Variants in HPS4 observed in about 807,000 individuals in gnomAD.
The protein encoded by HPS4 is HPS4 biogenesis of lysosomal organelles complex 3 subunit 2, also known as BLOC-3 complex member HPS4.
In HPS4, 44 loss-of-function variants were observed where a neutral mutation model predicts 70.3. The ratio of observed to expected loss-of-function variants is 0.63; its 90% CI spans 0.49 to 0.80. The LOEUF (loss-of-function observed/expected upper bound fraction) is 0.80. Ranked by LOEUF, HPS4 falls within the 30% of genes least tolerant of loss-of-function variation. The pLI is 0.00. For missense variants in HPS4, 873 were observed against 884.4 expected (o/e 0.99, Z 0.16); for synonymous variants, 377 against 355.9 (o/e 1.06, Z -0.67).
In HPS4 at chr22:26,452,002, G is replaced by GCACA; in HGVS notation, c.*1230_*1231insTGTG. 2 of 86,844 alleles carry GCACA rather than the reference G, an allele frequency of 2.3e-5. No homozygotes were observed. The highest frequency in any genetic ancestry group is 4.6e-4 in the South Asian group (2 of 4,326). 5.4% of individuals were successfully genotyped at this position (86,844 alleles called of 1,614,324 possible). ...GCCCACGTTACGCGCGCGCGCGCGC[G>GCACA]CGCACACACACACACACACACACAC... On this transcript the variant is annotated 3_prime_UTR_variant, in exon 14 of 14. Transcript: ENST00000398145.
In HPS4 at chr22:26,458,494, G is replaced by A. The variant is rs1423718905; in HGVS notation, c.1797C>T (p.Ser599=). ...TLPRDEAAST[S]STYNFTHYDR... ...CGTAATGTGTGAAGTTGTAGGTGCT[G>A]CTCGTGGAGGCTGCCTCATCCCTGG... Residue 599 remains serine (S), a synonymous_variant, in exon 12 of 14, where the codon AGC becomes AGT. Transcript: ENST00000398145. 1 of 1,614,142 alleles carries A rather than the reference G, an allele frequency of 6.2e-7. No individual in the cohort carries two copies. The highest frequency in any genetic ancestry group is 2.2e-5 in the East Asian group (1 of 44,870).
chr22:26,455,347 G>A (rs1194426430), intron 13 of HPS4, among the ~76,000 whole-genome samples: 1 of 151,642 alleles, frequency 6.6e-6, no homozygotes, highest in Non-Finnish European at 1.5e-5. Flanking sequence ...GTCCAACAAC[G>A]ATAGACTGGA....
chr22:26,481,996 T>G lies in HPS4; in HGVS notation c.-234A>C. 1 of 550,408 alleles carries G rather than the reference T, an allele frequency of 1.8e-6. No homozygotes were observed. Among genetic ancestry groups the G allele is most frequent in the South Asian group, 2.0e-5 (1 of 48,982 alleles). 34.1% of individuals were successfully genotyped at this position (550,408 alleles called of 1,614,324 possible). On this transcript the variant is annotated 5_prime_UTR_variant, in exon 2 of 14. It removes the in-frame stop codon of an upstream open reading frame in the 5' UTR. Transcript: ENST00000398145. ...TGTATATTTCCATGCCTCTTACAACTCAGGGAGAAACTATAACAGAGAATC... is the reference window on the plus strand; with the variant it reads ...TGTATATTTCCATGCCTCTTACAACGCAGGGAGAAACTATAACAGAGAATC...
At chr22:26,458,725 G>A (rs2086669858) in intron 11 of HPS4, 148 bp from the exon 12 acceptor site, 2 of 873,664 alleles carry the variant, frequency 2.3e-6, no homozygotes, top group African/African-American at 1.7e-5. Flanking sequence ...GTGAGACCGA[G>A]GCAGGAGGAT....
At chr22:26,466,746 C>CA (rs201324889) in intron 8 of HPS4, 58 of 188,138 alleles carry the variant, frequency 3.1e-4, no homozygotes, top group Non-Finnish European at 5.2e-4. Flanking sequence ...CTCGTTTGTT[C>CA]TGGTTCACAA....
Position 26,453,239 on chromosome 22 carries a change from C to A in HPS4, c.2121G>T (p.Leu707Phe), listed in dbSNP as rs1332441910. ...KQKLLKHGVN[L>F]L ...GTCACCTCCTGGGTGCAGTTCAGAGCAAGTTCACCCCGTGCTTCAGCAGCT... is the reference window on the plus strand; with the variant it reads ...GTCACCTCCTGGGTGCAGTTCAGAGAAAGTTCACCCCGTGCTTCAGCAGCT... Residue 707 changes from leucine (L) to phenylalanine (F), a missense_variant, in exon 14 of 14, where the codon TTG becomes TTT. Coordinates refer to ENST00000398145, the MANE Select transcript of HPS4 (RefSeq NM_022081.6). 1 of 1,614,204 alleles carries A rather than the reference C, an allele frequency of 6.2e-7. No homozygotes were observed.
intron 13 of HPS4, among the ~76,000 whole-genome samples, chr22:26,456,103 T>A (rs916344604): frequency 6.6e-6 from 1 of 152,218 alleles, no homozygotes; most frequent in Non-Finnish European, 1.5e-5. Flanking sequence ...GCAGAACACC[T>A]GGCGCTCAAG....
chr22:26,472,798 C>A (rs1171327859), intron 5 of HPS4, 34 bp downstream of exon 5: 1 of 1,473,476 alleles, frequency 6.8e-7, no homozygotes, highest in Admixed American at 1.7e-5. Flanking sequence ...TATAAAGAGG[C>A]CCAATGTAAG....
At chr22:26,449,572 C>G (rs1025775638), downstream of HPS4, among the ~76,000 whole-genome samples, 2 of 151,986 alleles carry the variant, frequency 1.3e-5, no homozygotes, top group Admixed American at 1.3e-4. Context: ...CTCAAGTGAT[C>G]CACCCGCCTC....
chr22:26,458,723 G>A lies in HPS4; in HGVS notation c.1714-146C>T, dbSNP rs148447624. 4.6e-4 allele frequency: 399 copies of A among 868,058 alleles called. 1 individual carries two copies. The highest frequency in any genetic ancestry group is 6.6e-4 in the Non-Finnish European group (373 of 567,380). The allele number at this position is 868,058 out of a possible 1,614,324, so 53.8% of individuals were successfully genotyped here. A position where few individuals can be genotyped will look rare whatever the true frequency, so the allele number is the denominator to read the frequency against. ...TGTAATCCCAGTGCTTTGTGAGACCGAGGCAGGAGGATCACTTAAGCCAGG... is the reference window on the plus strand; with the variant it reads ...TGTAATCCCAGTGCTTTGTGAGACCAAGGCAGGAGGATCACTTAAGCCAGG... On this transcript the variant is annotated intron_variant, in intron 11 of 13. Transcript: ENST00000398145.
intron 6 of HPS4, chr22:26,471,398 C>G (rs1489392485): frequency 2.2e-6 from 1 of 456,132 alleles, no homozygotes; most frequent in East Asian, 6.9e-5. Context: ...CCTAAAAATA[C>G]AAGAAAAGCA....
In HPS4 at chr22:26,452,709, G is replaced by A; in HGVS notation, c.*524C>T. 2 of 250,032 alleles carry A rather than the reference G, an allele frequency of 8.0e-6. No homozygotes were observed. Among genetic ancestry groups the A allele is most frequent in the East Asian group, 2.1e-4 (2 of 9,596 alleles). 15.5% of individuals were successfully genotyped at this position (250,032 alleles called of 1,614,324 possible). ...TGTGCTGCCGCTTCCCTGCAGGAAC[G>A]ATCCGGACCTCCCAGCAAGAGCGCA... is the stretch of plus-strand genomic sequence containing the variant. On this transcript the variant is annotated 3_prime_UTR_variant, in exon 14 of 14. Transcript: ENST00000398145.
chr22:26,452,835 T>G lies in HPS4; in HGVS notation c.*398A>C. 1 of 273,646 alleles carries G rather than the reference T, an allele frequency of 3.7e-6. No homozygotes were observed. The highest frequency in any genetic ancestry group is 9.9e-5 in the East Asian group (1 of 10,076). 17.0% of individuals were successfully genotyped at this position (273,646 alleles called of 1,614,324 possible). On this transcript the variant is annotated 3_prime_UTR_variant, in exon 14 of 14. Transcript: ENST00000398145. ...CGCCTACCACCACCTGGTGTGGGGG[T>G]TGAACACACACACTCTGGGCTAGTG...
intron 2 of HPS4, chr22:26,479,756 G>C: frequency 1.1e-6 from 1 of 891,584 alleles, no homozygotes; most frequent in Non-Finnish European, 1.4e-6. Flanking sequence ...TAAGTGCTGA[G>C]CACAAAGATT....
At chr22:26,445,332 C>CA (rs201572054) in intron 3 of HPS4, among the ~76,000 whole-genome samples, 22 of 150,246 alleles carry the variant, frequency 1.5e-4, no homozygotes, top group South Asian at 2.1e-4. Flanking sequence ...AGACCCTGTC[C>CA]AAAAAAAAAG....
chr22:26,483,220 A>T (rs1290835204), intron 1 of HPS4, among the ~76,000 whole-genome samples: 1 of 152,186 alleles, frequency 6.6e-6, no homozygotes, highest in Non-Finnish European at 1.5e-5. Context: ...CAAGGACAGC[A>T]GCCTAAAACT....
intron 13 of HPS4, 48 bp downstream of exon 13, chr22:26,457,811 G>T: frequency 1.4e-6 from 2 of 1,437,506 alleles, no homozygotes; most frequent in African/African-American, 1.4e-5. Flanking sequence ...TGGTTCCCAT[G>T]AGCAGGACCG....
At chr22:26,478,365 G>A (rs1289810009) in intron 3 of HPS4, among the ~76,000 whole-genome samples, 2 of 152,088 alleles carry the variant, frequency 1.3e-5, no homozygotes, top group African/African-American at 2.4e-5. Flanking sequence ...GAGGTCAGGA[G>A]ATCGAGACCA....
Position 26,464,838 on chromosome 22 carries a change from G to A in HPS4, c.804-12C>T. The A allele has an allele frequency of 6.3e-7, 1 of 1,587,724 alleles. No homozygotes were observed. Among genetic ancestry groups the A allele is most frequent in the Non-Finnish European group, 8.5e-7 (1 of 1,170,374 alleles). ...GAGATGCTAGAGACCTGGCAAACAA[G>A]AGAGATGTAAGGAAGGGGCACGTTG... is the stretch of plus-strand genomic sequence containing the variant. On this transcript the variant is annotated splice_polypyrimidine_tract_variant and intron_variant, in intron 10 of 13. Coordinates refer to ENST00000398145, the MANE Select transcript of HPS4 (RefSeq NM_022081.6).
Sources: allele counts gnomAD v4.1 joint callset (sites outside exome capture counted in the v4.1 genomes callset), GRCh38; gene constraint gnomAD v4.1.1; transcripts MANE v1.5; gene names NCBI Gene and HGNC (gene_info 2026-07-23, HGNC 2026-07-21).